PPA2: variants seen among roughly 807,000 people sequenced by gnomAD.
The protein encoded by PPA2 is inorganic pyrophosphatase 2, mitochondrial.
Under a neutral mutation model 49.5 loss-of-function variants are expected in PPA2, and 48 were observed. That is an observed-to-expected ratio of 0.97 (90% CI 0.77 to 1.23). The LOEUF (loss-of-function observed/expected upper bound fraction) is 1.23. Ranked by LOEUF, PPA2 falls within the 50% of genes most tolerant of loss-of-function variation. The pLI is 0.00. For synonymous variants in PPA2, 131 were observed against 139.9 expected (o/e 0.94, Z 0.45); for missense variants, 429 against 410.1 (o/e 1.05, Z -0.40).
intron 7 of PPA2, among the ~76,000 whole-genome samples, chr4:105,410,636 A>G (rs1038230587): frequency 9.2e-5 from 14 of 152,232 alleles, no homozygotes; most frequent in Non-Finnish European, 1.6e-4. Context: ...GTTGAAATGA[A>G]GGAAAAAATG....
At chr4:105,397,466 A>G (rs1734194726) in intron 8 of PPA2, among the ~76,000 whole-genome samples, 1 of 152,192 alleles carries the variant, frequency 6.6e-6, no homozygotes, top group Non-Finnish European at 1.5e-5. Context: ...TGTTTAAAGG[A>G]GTGGCAAGAA....
chr4:105,470,943 A>C (rs1422632886), intron 1 of PPA2, among the ~76,000 whole-genome samples: 1 of 152,236 alleles, frequency 6.6e-6, no homozygotes, highest in African/African-American at 2.4e-5. Flanking sequence ...TGGAAGTTGC[A>C]GAAATCATAA....
intron 7 of PPA2, among the ~76,000 whole-genome samples, chr4:105,410,278 A>G (rs1202418255): frequency 6.6e-6 from 1 of 152,258 alleles, no homozygotes; most frequent in African/African-American, 2.4e-5. Context: ...CAAAAGCTTC[A>G]ACAGCTGATT....
chr4:105,454,300 TGC>T (rs371104324), intron 2 of PPA2, among the ~76,000 whole-genome samples: 3,112 of 99,924 alleles, frequency 0.031, 47 homozygotes, highest in Middle Eastern at 0.078. Context: ...TTTTTGCTGC[TGC>T]TGTTGTTGTT....
At chr4:105,467,968 T>C (rs535862879) in intron 1 of PPA2, among the ~76,000 whole-genome samples, 4 of 152,152 alleles carry the variant, frequency 2.6e-5, no homozygotes, top group Non-Finnish European at 4.4e-5. Flanking sequence ...ATGTTATAAA[T>C]TGGGGAATCA....
At chr4:105,396,101 G>T in intron 9 of PPA2, 148 bp downstream of exon 9, 1 of 454,052 alleles carries the variant, frequency 2.2e-6, no homozygotes, top group Non-Finnish European at 3.9e-6. Context: ...GTTTAATAGT[G>T]CCCAACACTT....
At chr4:105,396,463 G>A in intron 8 of PPA2, 129 bp from the exon 9 acceptor site, 2 of 594,056 alleles carry the variant, frequency 3.4e-6, no homozygotes, top group Non-Finnish European at 5.5e-6. Flanking sequence ...GCAAAGCTTG[G>A]TATAAATTCT....
intron 1 of PPA2, among the ~76,000 whole-genome samples, chr4:105,462,419 G>T (rs1458384029): frequency 6.6e-6 from 1 of 152,122 alleles, no homozygotes. Flanking sequence ...GTCCATGACT[G>T]AAAAAATAAT....
intron 7 of PPA2, among the ~76,000 whole-genome samples, chr4:105,413,015 T>C (rs1722833615): frequency 6.6e-6 from 1 of 152,216 alleles, no homozygotes; most frequent in Non-Finnish European, 1.5e-5. Context: ...ATCATGCTAC[T>C]ATAAAGACAC....
chr4:105,449,860 T>C (rs1042993098), intron 3 of PPA2, among the ~76,000 whole-genome samples: 3 of 152,306 alleles, frequency 2.0e-5, no homozygotes, highest in African/African-American at 7.2e-5. Context: ...AATTATGAAG[T>C]AAAATATATT....
At chr4:105,411,235 C>CA (rs1005633152) in intron 7 of PPA2, among the ~76,000 whole-genome samples, 168 of 150,672 alleles carry the variant, frequency 1.1e-3, no homozygotes, top group African/African-American at 4.0e-3. Flanking sequence ...AAATGGAAAG[C>CA]AAAAAAAAGC....
At chr4:105,472,511 A>G (rs938625317) in intron 1 of PPA2, among the ~76,000 whole-genome samples, 1 of 152,190 alleles carries the variant, frequency 6.6e-6, no homozygotes, top group East Asian at 1.9e-4. Flanking sequence ...AATCTGCTTA[A>G]AAAGCGAACT....
At chr4:105,418,478 A>G (rs1723108701) in intron 7 of PPA2, among the ~76,000 whole-genome samples, 1 of 152,212 alleles carries the variant, frequency 6.6e-6, no homozygotes, top group African/African-American at 2.4e-5. Context: ...TCTAAATATA[A>G]GCTGAAATTC....
chr4:105,461,254 T>C (rs1168230681), intron 1 of PPA2, among the ~76,000 whole-genome samples: 1 of 152,228 alleles, frequency 6.6e-6, no homozygotes, highest in African/African-American at 2.4e-5. Context: ...TTGAGCTTCA[T>C]GCTTCTCCAC....
At chr4:105,465,678 T>C (rs1054860320) in intron 1 of PPA2, among the ~76,000 whole-genome samples, 1 of 152,192 alleles carries the variant, frequency 6.6e-6, no homozygotes, top group Non-Finnish European at 1.5e-5. Flanking sequence ...GAAAACTCTT[T>C]TCTCTCAGAA....
chr4:105,424,183 G>A lies in PPA2; in HGVS notation c.655+13C>T, dbSNP rs1578846806. 1.3e-6 allele frequency: 2 copies of A among 1,594,338 alleles called. No individual in the cohort carries two copies. Among genetic ancestry groups the A allele is most frequent in the Non-Finnish European group, 1.7e-6 (2 of 1,175,440 alleles). Reference sequence around the variant, plus strand: ...CTAATTTGCTTTCACTTTCTGGAAAGTAACAGTCTTACCATGAAACTTTGA... The same window carrying A: ...CTAATTTGCTTTCACTTTCTGGAAAATAACAGTCTTACCATGAAACTTTGA... On this transcript the variant is annotated intron_variant, in intron 7 of 11. Coordinates refer to ENST00000341695, the MANE Select transcript of PPA2 (RefSeq NM_176869.3).
chr4:105,384,261 T>C (rs1733601217), intron 10 of PPA2, among the ~76,000 whole-genome samples: 1 of 152,184 alleles, frequency 6.6e-6, no homozygotes, highest in Non-Finnish European at 1.5e-5. Context: ...GATGCAGTAT[T>C]CTCAGTGAAA....
intron 1 of PPA2, among the ~76,000 whole-genome samples, chr4:105,472,777 T>C (rs1212831489): frequency 6.6e-6 from 1 of 152,232 alleles, no homozygotes; most frequent in African/African-American, 2.4e-5. Flanking sequence ...CCTAAACTCA[T>C]GTAGCATAAC....
At chr4:105,401,442 T>A (rs1722185788) in intron 7 of PPA2, among the ~76,000 whole-genome samples, 1 of 146,054 alleles carries the variant, frequency 6.8e-6, no homozygotes, top group Non-Finnish European at 1.6e-5. Context: ...TTTATTGTGA[T>A]AAAATATCCA....
Sources: allele counts gnomAD v4.1 joint callset (sites outside exome capture counted in the v4.1 genomes callset), GRCh38; gene constraint gnomAD v4.1.1; transcripts MANE v1.5; gene names NCBI Gene and HGNC (gene_info 2026-07-23, HGNC 2026-07-21).